The following DHX30 variants were observed in gnomAD, a reference collection of about 807,000 sequenced individuals.
The protein encoded by DHX30 is DExH-box helicase 30.
A neutral mutation model predicts 116.9 loss-of-function variants in DHX30; 4 were observed. The ratio of observed to expected loss-of-function variants is 0.03; its 90% CI spans 0.02 to 0.08. The LOEUF is 0.08. Among genes scored for constraint, DHX30 ranks in the 10% least tolerant of loss-of-function variants. The pLI, the probability that DHX30 is intolerant of heterozygous loss-of-function variation, is 1.00. For synonymous variants in DHX30, 697 were observed against 651.7 expected (o/e 1.07, Z -1.06); for missense variants, 871 against 1,595.1 (o/e 0.55, Z 7.73).
At chr3:47,821,889 G>T (rs992200184) in intron 4 of DHX30, among the ~76,000 whole-genome samples, 1 of 152,100 alleles carries the variant, frequency 6.6e-6, no homozygotes, top group African/African-American at 2.4e-5. Context: ...ATGAGCCACC[G>T]TACCTGGTCT....
At position 47,847,681 on chromosome 3, in the gene DHX30, G is replaced by T. The variant is rs1038975022; in HGVS notation, c.2111-100G>T. On this transcript the variant is annotated intron_variant, in intron 13 of 21. Coordinates refer to ENST00000445061, the MANE Select transcript of DHX30 (RefSeq NM_138615.3). This position sits in a 1 kb window ranked among gnomAD's most constrained non-coding sequence, Gnocchi z 5.5. ...CTGGGCATAGTGTTTATCTGCGCCT[G>T]TTTCATCAAAATGGGGTCAAAATCC... is the stretch of plus-strand genomic sequence containing the variant. The T allele has an allele frequency of 1.3e-5, 20 of 1,499,254 alleles. No individual in the cohort carries two copies. Among genetic ancestry groups the T allele is most frequent in the Non-Finnish European group, 1.8e-5 (20 of 1,114,456 alleles). 92.9% of individuals were successfully genotyped at this position (1,499,254 alleles called of 1,614,324 possible).
At chr3:47,817,149 C>T (rs757012664) in intron 3 of DHX30, among the ~76,000 whole-genome samples, 3 of 152,188 alleles carry the variant, frequency 2.0e-5, no homozygotes, top group Non-Finnish European at 4.4e-5. Flanking sequence ...CTCTGCTCCC[C>T]TTCTACCCCA....
chr3:47,818,842 C>T (rs1467580897), intron 4 of DHX30, among the ~76,000 whole-genome samples: 2 of 152,216 alleles, frequency 1.3e-5, no homozygotes, highest in Non-Finnish European at 2.9e-5. Context: ...GTCCTAATAG[C>T]TGCTCTTTTC....
chr3:47,829,044 A>G lies in DHX30; in HGVS notation c.276A>G (p.Lys92=), dbSNP rs768712167. Residue 92 remains lysine, a synonymous_variant, in exon 6 of 22, where the codon AAA becomes AAG. Transcript: ENST00000445061. ...CCCAGAAAGTCACACTGCACATAAA[A>G]TGGCCCAAGAGCGTGGAGGTAGAAG... ...PKKKKVTLHI[K]WPKSVEVEGY... is the part of the protein sequence containing the mutation. 5.6e-6 allele frequency: 9 copies of G among 1,608,772 alleles called. No individual in the cohort carries two copies. Among genetic ancestry groups the G allele is most frequent in the Non-Finnish European group, 7.6e-6 (9 of 1,177,076 alleles).
intron 4 of DHX30, among the ~76,000 whole-genome samples, chr3:47,820,806 C>T (rs1339663973): frequency 3.3e-5 from 5 of 152,056 alleles, no homozygotes; most frequent in African/African-American, 7.2e-5. Context: ...CAGAACTTCC[C>T]TCCTTTTTCA....
chr3:47,804,833 A>G (rs901937268), intron 1 of DHX30, among the ~76,000 whole-genome samples: 1 of 152,150 alleles, frequency 6.6e-6, no homozygotes, highest in Non-Finnish European at 1.5e-5. Flanking sequence ...TCTTCTCTGG[A>G]AAGATAATTC....
intron 2 of DHX30, among the ~76,000 whole-genome samples, chr3:47,806,680 T>C (rs976658686): frequency 4.6e-5 from 7 of 151,904 alleles, no homozygotes; most frequent in Admixed American, 2.0e-4. Flanking sequence ...CTCCTGACTT[T>C]GTGATCCACC....
At chr3:47,839,280 CTTTTTTT>C (rs59932351) in intron 6 of DHX30, among the ~76,000 whole-genome samples, 81 of 129,808 alleles carry the variant, frequency 6.2e-4, no homozygotes, top group Non-Finnish European at 1.0e-3. Flanking sequence ...CTTATATTCT[CTTTTTTT>C]TTTTTTTTTT....
intron 2 of DHX30, among the ~76,000 whole-genome samples, chr3:47,808,607 G>A (rs1337773599): frequency 1.4e-5 from 2 of 148,048 alleles, no homozygotes; most frequent in Non-Finnish European, 3.0e-5. Flanking sequence ...ATGGAGTCTC[G>A]CTCTGTTGCC....
At chr3:47,833,405 G>T (rs564755640) in intron 6 of DHX30, among the ~76,000 whole-genome samples, 2 of 151,850 alleles carry the variant, frequency 1.3e-5, no homozygotes, top group South Asian at 4.2e-4. Context: ...GGTGGTGTTT[G>T]CCTGTAGTCC....
In DHX30 at chr3:47,844,546, C is replaced by T. The variant is rs1164949909; in HGVS notation, c.940-1154C>T. 5.3e-5 allele frequency among the ~76,000 whole-genome samples: 8 copies of T among 152,370 alleles called. No individual in the cohort carries two copies. The East Asian group carries it at 7.7e-4, about 15-fold the overall frequency. ...AGCAAGGAGCTTGTGTTGGCACCTC[C>T]TGTGGTATGAGGACCAGATTCCTGT... On this transcript the variant is annotated intron_variant, in intron 9 of 21. Transcript: ENST00000445061.
In DHX30 at chr3:47,818,438, A is replaced by C. The variant is rs1054719234; in HGVS notation, c.124+321A>C. Among the ~76,000 whole-genome samples the C allele has an allele frequency of 5.9e-5, 9 of 152,206 alleles. No homozygotes were observed. The East Asian group carries it at 1.5e-3, about 26-fold the overall frequency. ...CAGGGCTTGGGGCCTCGAGGCTCCT[A>C]GAAGTCCCTGATCAGGTGGCTCAGA... is the stretch of plus-strand genomic sequence containing the variant. On this transcript the variant is annotated intron_variant, in intron 4 of 21. Coordinates refer to ENST00000445061, the MANE Select transcript of DHX30 (RefSeq NM_138615.3).
At chr3:47,829,314 A>ATATATAT (rs1177077114) in intron 6 of DHX30, among the ~76,000 whole-genome samples, 180 bp downstream of exon 6, 96 of 34,178 alleles carry the variant, frequency 2.8e-3, no homozygotes, top group Admixed American at 0.013. Flanking sequence ...ATATATATAT[A>ATATATAT]TTTTTTTTTT....
At chr3:47,841,594 A>T in intron 7 of DHX30, 23 bp from the exon 8 acceptor site, 1 of 1,614,086 alleles carries the variant, frequency 6.2e-7, no homozygotes. Flanking sequence ...GAATTCTTTC[A>T]GTTAAACTTT....
At chr3:47,811,031 TCTC>T (rs1008401911) in intron 3 of DHX30, among the ~76,000 whole-genome samples, 1 of 151,548 alleles carries the variant, frequency 6.6e-6, no homozygotes, top group Non-Finnish European at 1.5e-5. Context: ...CTCAGTGCAA[TCTC>T]CTCCTCCTGG....
chr3:47,822,008 G>C (rs943778263), intron 4 of DHX30: 3 of 152,174 alleles, frequency 2.0e-5, no homozygotes, highest in Non-Finnish European at 4.4e-5. Flanking sequence ...ATTTGACTCT[G>C]CCATTATAGA....
intron 3 of DHX30, among the ~76,000 whole-genome samples, chr3:47,815,284 C>T (rs1276274698): frequency 2.0e-5 from 3 of 152,166 alleles, no homozygotes; most frequent in Admixed American, 2.0e-4. Flanking sequence ...GGTCGGTGCT[C>T]AACCCTTACT....
Position 47,849,880 on chromosome 3 carries a change from G to A in DHX30, c.3345G>A (p.Arg1115=). 1 of 1,612,736 alleles carries A rather than the reference G, an allele frequency of 6.2e-7. No homozygotes were observed. The highest frequency in any genetic ancestry group is 2.2e-5 in the East Asian group (1 of 44,846). Residue 1115 remains arginine (R), a synonymous_variant, in exon 22 of 22, where the codon CGG becomes CGA. Coordinates refer to ENST00000445061, the MANE Select transcript of DHX30 (RefSeq NM_138615.3). ...CCATTCCCTCAGATGACGGGCGCCG[G>A]GCCACCATCTCACTGAGCGACAGTG... The part of the protein sequence containing the change: ...GDVHIRDDGR[R]ATISLSDSDL...
intron 3 of DHX30, among the ~76,000 whole-genome samples, chr3:47,810,936 C>A (rs1363431113): frequency 2.6e-5 from 4 of 152,220 alleles, no homozygotes; most frequent in East Asian, 1.9e-4. Context: ...CTGCGTACTC[C>A]CTGCTTATTA....
Sources: gnomAD v4.1 joint callset for allele counts (sites outside exome capture counted in the v4.1 genomes callset) on GRCh38, gnomAD v4.1.1 for gene constraint, Gnocchi (gnomAD v3.1) non-coding constraint, MANE v1.5 for transcripts, NCBI Gene and HGNC (gene_info 2026-07-23, HGNC 2026-07-21) for gene names.